Variants in ANKRD55 observed in about 807,000 individuals in gnomAD.
ANKRD55 encodes ankyrin repeat domain 55.
Under a neutral mutation model 60.6 loss-of-function variants are expected in ANKRD55, and 41 were observed. The ratio of observed to expected loss-of-function variants is 0.68; its 90% confidence interval spans 0.53 to 0.88. ANKRD55 has a LOEUF of 0.88. Among genes scored for constraint, ANKRD55 ranks in the 40% least tolerant of loss-of-function variants. The probability of loss-of-function intolerance (pLI) is 0.00; values close to 1 mark genes in which losing one functional copy is unlikely to be tolerated. For synonymous variants in ANKRD55, 264 were observed against 290.3 expected (o/e 0.91, Z 0.92); for missense variants, 732 against 767.6 (o/e 0.95, Z 0.55).
intron 2 of ANKRD55, among the ~76,000 whole-genome samples, chr5:56,207,364 A>C (rs1759537768): frequency 6.6e-6 from 1 of 152,222 alleles, no homozygotes; most frequent in Non-Finnish European, 1.5e-5. Context: ...AACTGTTCTG[A>C]GCACAGTGCT....
intron 6 of ANKRD55, among the ~76,000 whole-genome samples, chr5:56,148,837 G>A (rs570313017): frequency 4.3e-4 from 66 of 152,170 alleles, no homozygotes; most frequent in African/African-American, 1.6e-3. Context: ...TGGCGGTTCG[G>A]GGTGGGGTGG....
chr5:56,225,062 A>G (rs952166538), intron 2 of ANKRD55, among the ~76,000 whole-genome samples: 9 of 152,262 alleles, frequency 5.9e-5, no homozygotes, highest in African/African-American at 2.2e-4. Context: ...ATCCTTGATG[A>G]ATATTGATGC....
intron 2 of ANKRD55, among the ~76,000 whole-genome samples, chr5:56,227,327 C>T (rs181360660): frequency 1.2e-4 from 13 of 104,068 alleles, no homozygotes; most frequent in African/African-American, 2.7e-4. Flanking sequence ...ACCACACACC[C>T]GGGCCTGTTG....
intron 4 of ANKRD55, among the ~76,000 whole-genome samples, chr5:56,173,570 CTCTCTCTCTCTCTATA>C (rs1345689161): frequency 5.2e-4 from 58 of 110,958 alleles, no homozygotes; most frequent in African/African-American, 1.8e-3. Context: ...CTCTCTCTCT[CTCTCTCTCTCTCTATA>C]TATATATATA....
At chr5:56,192,646 A>T (rs1759127660) in intron 2 of ANKRD55, 1 of 898,998 alleles carries the variant, frequency 1.1e-6, no homozygotes, top group African/African-American at 1.7e-5. Context: ...TGTTGGGAGA[A>T]GAGGGTGACA....
At chr5:56,126,775 A>G in intron 8 of ANKRD55, 147 bp downstream of exon 8, 1 of 848,980 alleles carries the variant, frequency 1.2e-6, no homozygotes, top group Non-Finnish European at 1.7e-6. Context: ...ACTAAAATAG[A>G]GCAATTTTTA....
intron 7 of ANKRD55, among the ~76,000 whole-genome samples, chr5:56,135,798 T>C (rs1299635070): frequency 6.6e-6 from 1 of 152,206 alleles, no homozygotes; most frequent in Non-Finnish European, 1.5e-5. Flanking sequence ...TGACTATCTA[T>C]GTATAAAATC....
intron 4 of ANKRD55, among the ~76,000 whole-genome samples, chr5:56,174,967 A>T (rs1758707923): frequency 6.6e-6 from 1 of 152,028 alleles, no homozygotes; most frequent in African/African-American, 2.4e-5. Context: ...CCTGCATTTG[A>T]CACTAATGTG....
Position 56,166,149 on chromosome 5 carries a change from T to C in ANKRD55, c.422+4545A>G, listed in dbSNP as rs1423299676. Among the ~76,000 whole-genome samples the C allele has an allele frequency of 5.0e-3, 317 of 63,102 alleles. 13 individuals carry two copies. The highest frequency in any genetic ancestry group is 0.028 in the African/African-American group (263 of 9,436). The allele number at this position is 63,102 out of a possible 152,430, so 41.4% of individuals were successfully genotyped here. The stretch of plus-strand genomic sequence containing the variant: ...TTCTTTCTTTCTTTCTTTCTTTCTT[T>C]CTTTCTTCTTTCCTTCCTTCCTTCC... On this transcript the variant is annotated intron_variant, in intron 5 of 11. Coordinates refer to ENST00000341048, the MANE Select transcript of ANKRD55 (RefSeq NM_024669.3).
chr5:56,146,276 A>G (rs1390846220), intron 6 of ANKRD55, among the ~76,000 whole-genome samples: 4 of 150,982 alleles, frequency 2.6e-5, no homozygotes, highest in Non-Finnish European at 5.9e-5. Context: ...ATGACTTACT[A>G]TGCTCCACTG....
At chr5:56,132,613 A>T (rs1259113230) in intron 7 of ANKRD55, among the ~76,000 whole-genome samples, 2 of 151,322 alleles carry the variant, frequency 1.3e-5, no homozygotes, top group African/African-American at 2.4e-5. Flanking sequence ...AAAAAAGAAT[A>T]AGGGCAGCAA....
intron 5 of ANKRD55, 141 bp downstream of exon 5, chr5:56,170,553 C>T: frequency 1.6e-6 from 1 of 618,880 alleles, no homozygotes. Flanking sequence ...TTGTTGTGGT[C>T]CTATCTGCTG....
At chr5:56,174,746 C>T (rs529675085) in intron 4 of ANKRD55, among the ~76,000 whole-genome samples, 49 of 150,516 alleles carry the variant, frequency 3.3e-4, no homozygotes, top group Admixed American at 1.9e-3. Flanking sequence ...GCAGGAGAAT[C>T]GCTTGAACCT....
rs574489854 is a variant in ANKRD55, at chr5:56,225,285, C to G, written c.58+7571G>C. Among the ~76,000 whole-genome samples the G allele has an allele frequency of 9.5e-4, 144 of 152,204 alleles. 3 individuals are homozygous for G. The Middle Eastern group carries it at 0.027, about 29-fold the overall frequency. ...AAGGCTTTCGACAAAATTCAACAGC[C>G]CTTCATGTTAAAAACTCTCGATAAA... On this transcript the variant is annotated intron_variant, in intron 2 of 11. Transcript: ENST00000341048.
chr5:56,209,355 C>A (rs1330872527), intron 2 of ANKRD55, among the ~76,000 whole-genome samples: 1 of 152,114 alleles, frequency 6.6e-6, no homozygotes, highest in African/African-American at 2.4e-5. Flanking sequence ...CTGGACTCAG[C>A]ATTACTAATA....
At chr5:56,156,660 T>A (rs1353829868) in intron 6 of ANKRD55, among the ~76,000 whole-genome samples, 2 of 152,208 alleles carry the variant, frequency 1.3e-5, no homozygotes, top group Non-Finnish European at 2.9e-5. Context: ...CCCTGAAATC[T>A]AGAGGTTCAC....
At chr5:56,113,759 C>T (rs1756807157) in intron 9 of ANKRD55, among the ~76,000 whole-genome samples, 1 of 151,912 alleles carries the variant, frequency 6.6e-6, no homozygotes, top group African/African-American at 2.4e-5. Context: ...AAGTATTTCT[C>T]GTGCTTCAGC....
chr5:56,150,132 G>A (rs779634873), intron 6 of ANKRD55, among the ~76,000 whole-genome samples: 4 of 152,116 alleles, frequency 2.6e-5, no homozygotes, highest in South Asian at 2.1e-4. Context: ...GAGCCACTGC[G>A]CCCGGCCTAT....
rs559774953 is a variant in ANKRD55, at chr5:56,137,176, T to C, written c.612+6625A>G. The C allele has an allele frequency of 8.2e-5, 129 of 1,580,044 alleles. No homozygotes were observed. In the African/African-American group the frequency reaches 1.6e-3, roughly 20 times the overall value. ...CCATTGTGACGTTACAGTGGTGGAGTTGGCAAGTGTGCCCAGGCCAAGCAG... is the reference window on the plus strand; with the variant it reads ...CCATTGTGACGTTACAGTGGTGGAGCTGGCAAGTGTGCCCAGGCCAAGCAG... On this transcript the variant is annotated intron_variant, in intron 7 of 11. Transcript: ENST00000341048.
Sources: gnomAD v4.1 joint callset for allele counts (sites outside exome capture counted in the v4.1 genomes callset) on GRCh38, gnomAD v4.1.1 for gene constraint, MANE v1.5 for transcripts, NCBI Gene and HGNC (gene_info 2026-07-23, HGNC 2026-07-21) for gene names.